SOAT2: variants seen among roughly 807,000 people sequenced by gnomAD.
SOAT2 encodes ACAT-2.
Under a neutral mutation model 76.0 loss-of-function variants are expected in SOAT2, and 87 were observed. The ratio of observed to expected loss-of-function variants is 1.14; its 90% CI spans 0.96 to 1.37. SOAT2 has a LOEUF of 1.37. Among genes scored for constraint, SOAT2 ranks in the 40% most tolerant of loss-of-function variants. The pLI is 0.00. For missense variants in SOAT2, 686 were observed against 682.1 expected (o/e 1.01, Z -0.06); for synonymous variants, 285 against 275.4 (o/e 1.03, Z -0.34).
At position 53,121,579 on chromosome 12, in the gene SOAT2, T is replaced by G. The variant is rs528845282; in HGVS notation, c.1236+178T>G. On this transcript the variant is annotated intron_variant, in intron 12 of 14. Transcript: ENST00000301466. ...ACCCAACCCAATGGGTAGAAAGTCCTTGCAATCTTAACTTTCTTCCATCTT... is the reference window on the plus strand; with the variant it reads ...ACCCAACCCAATGGGTAGAAAGTCCGTGCAATCTTAACTTTCTTCCATCTT... Among the ~76,000 whole-genome samples, 472 of 152,152 alleles carry G rather than the reference T, an allele frequency of 3.1e-3. 5 individuals are homozygous for G. The highest frequency in any genetic ancestry group is 0.017 in the Middle Eastern group (5 of 294).
intron 6 of SOAT2, 133 bp from the exon 7 acceptor site, chr12:53,115,958 CAAAAAG>C (rs772233728): frequency 5.3e-5 from 42 of 789,856 alleles, no homozygotes; most frequent in Middle Eastern, 2.4e-4. Context: ...GGCCATCCAA[CAAAAAG>C]AAAAAGTATG....
Position 53,120,780 on chromosome 12 carries a change from C to A in SOAT2, c.1040-6C>A. On this transcript the variant is annotated splice_region_variant and splice_polypyrimidine_tract_variant and intron_variant, in intron 10 of 14. Coordinates refer to ENST00000301466, the MANE Select transcript of SOAT2 (RefSeq NM_003578.4). ...TGACCTGCAGCCTCTTGTCCCCAAC[C>A]ACCAGGCATCTTCATGCTGCTGCTC... 2 of 1,612,344 alleles carry A rather than the reference C, an allele frequency of 1.2e-6. No homozygotes were observed. The highest frequency in any genetic ancestry group is 1.7e-5 in the Admixed American group (1 of 60,024).
At chr12:53,103,739 C>T (rs1937878498) in intron 1 of SOAT2, 80 bp downstream of exon 1, 1 of 1,163,172 alleles carries the variant, frequency 8.6e-7, no homozygotes, top group Non-Finnish European at 1.2e-6. Context: ...GAGAAGGCTC[C>T]AACTGCCTGA....
intron 6 of SOAT2, among the ~76,000 whole-genome samples, 164 bp from the exon 7 acceptor site, chr12:53,115,933 T>C (rs182120924): frequency 6.6e-6 from 1 of 152,324 alleles, no homozygotes; most frequent in East Asian, 1.9e-4. Flanking sequence ...CATCCCAGCA[T>C]ATGTTAGGCT....
chr12:53,105,358 TC>T, intron 3 of SOAT2, 115 bp downstream of exon 3: 2 of 1,355,630 alleles, frequency 1.5e-6, no homozygotes, highest in Admixed American at 2.2e-5. Context: ...CCTTCCCTCT[TC>T]CCCCCTTGTC....
At chr12:53,105,754 C>T (rs958362377) in intron 4 of SOAT2, 134 bp downstream of exon 4, 1 of 950,924 alleles carries the variant, frequency 1.1e-6, no homozygotes, top group African/African-American at 3.2e-5. Flanking sequence ...AGGTGCAGGT[C>T]CCCTATTTGC....
At chr12:53,105,284 G>A (rs1213909196) in intron 3 of SOAT2, 41 bp downstream of exon 3, 35 of 1,582,940 alleles carry the variant, frequency 2.2e-5, no homozygotes, top group Non-Finnish European at 3.0e-5. Flanking sequence ...TCTGTAGCAA[G>A]GATCATGAGC....
intron 5 of SOAT2, among the ~76,000 whole-genome samples, chr12:53,107,645 CAG>C (rs1937955858): frequency 1.0e-5 from 1 of 95,674 alleles, no homozygotes; most frequent in Non-Finnish European, 2.0e-5. Flanking sequence ...TTTTTTGAGA[CAG>C]AGTCTTGGTC....
At chr12:53,112,779 CTTTTTTT>C (rs71095978) in intron 5 of SOAT2, among the ~76,000 whole-genome samples, 7 of 125,734 alleles carry the variant, frequency 5.6e-5, no homozygotes, top group Non-Finnish European at 1.1e-4. Context: ...TTTTTCTTTC[CTTTTTTT>C]TTTTTTTTTT....
At chr12:53,112,027 C>T (rs926723643) in intron 5 of SOAT2, among the ~76,000 whole-genome samples, 3 of 152,152 alleles carry the variant, frequency 2.0e-5, no homozygotes, top group Non-Finnish European at 4.4e-5. Flanking sequence ...TCTTTGTGCT[C>T]TGGGCAGATC....
In SOAT2 at chr12:53,115,669, C is replaced by T. The variant is rs769707589; in HGVS notation, c.708+15C>T. ...TCTTCGAGCAGGTGAGGGCCGAGCC[C>T]TGCTGACGGACAGGAAGGAACCAGC... is the stretch of plus-strand genomic sequence containing the variant. On this transcript the variant is annotated intron_variant, in intron 6 of 14. Transcript: ENST00000301466. 2.0e-6 allele frequency: 3 copies of T among 1,498,570 alleles called. No individual in the cohort carries two copies. Among genetic ancestry groups the T allele is most frequent in the Non-Finnish European group, 2.7e-6 (3 of 1,129,914 alleles). The allele number at this position is 1,498,570 out of a possible 1,614,324, so 92.8% of individuals were successfully genotyped here. A position where few individuals can be genotyped will look rare whatever the true frequency, so the allele number is the denominator to read the frequency against.
chr12:53,104,183 G>C lies in SOAT2; in HGVS notation c.115G>C (p.Val39Leu). The change falls in exon 2 of 15, where the codon GTA becomes CTA. Residue 39 changes from valine to leucine, a missense_variant. Transcript: ENST00000301466. The part of the protein sequence containing the change: ...NTETHRAPDL[V>L]QWTRHMEAVK... ...TGAGACGCACAGAGCCCCGGACTTGGTACAATGGACCCGACACATGGAGGT... is the reference window on the plus strand; with the variant it reads ...TGAGACGCACAGAGCCCCGGACTTGCTACAATGGACCCGACACATGGAGGT... The C allele has an allele frequency of 6.2e-7, 1 of 1,612,824 alleles. No individual in the cohort carries two copies. The highest frequency in any genetic ancestry group is 8.5e-7 in the Non-Finnish European group (1 of 1,179,170).
chr12:53,120,474 A>G (rs1379719296), intron 10 of SOAT2, among the ~76,000 whole-genome samples: 1 of 151,924 alleles, frequency 6.6e-6, no homozygotes, highest in Non-Finnish European at 1.5e-5. Flanking sequence ...CAAAAAAATA[A>G]TAATAATAAA....
At chr12:53,119,996 C>T (rs1465993865) in intron 10 of SOAT2, among the ~76,000 whole-genome samples, 6 of 152,192 alleles carry the variant, frequency 3.9e-5, no homozygotes, top group African/African-American at 1.4e-4. Context: ...CAACATCTGG[C>T]ACAAAGTGAT....
At chr12:53,115,814 C>A (rs543243964) in intron 6 of SOAT2, among the ~76,000 whole-genome samples, 160 bp downstream of exon 6, 2 of 152,322 alleles carry the variant, frequency 1.3e-5, no homozygotes, top group East Asian at 1.9e-4. Flanking sequence ...GAGTCCATTA[C>A]GAGGGATTTG....
chr12:53,118,258 A>G (rs1485824889), intron 7 of SOAT2, 92 bp from the exon 8 acceptor site: 33 of 221,056 alleles, frequency 1.5e-4, no homozygotes, highest in South Asian at 8.9e-4. Context: ...CCATTTCTCC[A>G]CTCACCAATC....
At position 53,122,795 on chromosome 12, in the gene SOAT2, T is replaced by C. The variant is rs539135221; in HGVS notation, c.1237-286T>C. 2.0e-5 allele frequency among the ~76,000 whole-genome samples: 3 copies of C among 152,308 alleles called. No individual in the cohort carries two copies. In the East Asian group the frequency reaches 5.8e-4, roughly 29 times the overall value. On this transcript the variant is annotated intron_variant, in intron 12 of 14. Coordinates refer to ENST00000301466, the MANE Select transcript of SOAT2 (RefSeq NM_003578.4). Reference sequence around the variant, plus strand: ...CCTTTCCCCACCTTTCCCCCCTTTCTATTCCACAAAACTGCCATTGTCATC... The same window carrying C: ...CCTTTCCCCACCTTTCCCCCCTTTCCATTCCACAAAACTGCCATTGTCATC...
chr12:53,107,621 A>ATTTTTTTTTTTTTT (rs1565625989), intron 5 of SOAT2, among the ~76,000 whole-genome samples: 7 of 122,314 alleles, frequency 5.7e-5, no homozygotes, highest in South Asian at 2.2e-4. Context: ...CAACAGATGT[A>ATTTTTTTTTTTTTT]CTTTTTTTTT....
chr12:53,121,793 C>CTTTT lies in SOAT2; in HGVS notation c.1236+420_1236+423dup, dbSNP rs56848843. ...TAAGTCCCAATGGGATAGTAGCATG[C>CTTTT]TTTTTTTTTTTTTTTTTTTTTTTTT... is the stretch of plus-strand genomic sequence containing the variant. On this transcript the variant is annotated intron_variant, in intron 12 of 14. Transcript: ENST00000301466. Among the ~76,000 whole-genome samples, 159 of 56,860 alleles carry CTTTT rather than the reference C, an allele frequency of 2.8e-3. 9 individuals carry two copies. Among genetic ancestry groups the CTTTT allele is most frequent in the Middle Eastern group, 0.033 (2 of 60 alleles). 37.3% of individuals were successfully genotyped at this position (56,860 alleles called of 152,430 possible). A position where few individuals can be genotyped will look rare whatever the true frequency, so the allele number is the denominator to read the frequency against.
Sources: gnomAD v4.1 joint callset for allele counts (sites outside exome capture counted in the v4.1 genomes callset) on GRCh38, gnomAD v4.1.1 for gene constraint, MANE v1.5 for transcripts, NCBI Gene and HGNC (gene_info 2026-07-23, HGNC 2026-07-21) for gene names.